The following GPM6B variants were observed in gnomAD, a reference collection of about 807,000 sequenced individuals.
GPM6B encodes neuronal membrane glycoprotein M6-b.
Under a neutral mutation model 27.2 loss-of-function variants are expected in GPM6B, and 4 were observed. That is an observed-to-expected ratio of 0.15 (90% confidence interval 0.07 to 0.34). GPM6B has a LOEUF of 0.34. Ranked by LOEUF, GPM6B falls within the 10% of genes least tolerant of loss-of-function variation. The pLI is 1.00. For synonymous variants in GPM6B, 124 were observed against 103.1 expected, an observed-to-expected ratio of 1.20 and a Z score of -1.23; for missense variants, 183 against 261.9, an observed-to-expected ratio of 0.70 and a Z score of 2.08.
At chrX:13,924,676 A>T (rs1365647914) in intron 1 of GPM6B, among the ~76,000 whole-genome samples, 2 of 111,780 alleles carry the variant, frequency 1.8e-5, no homozygotes, top group Non-Finnish European at 3.8e-5. Context: ...TTCTGCATAA[A>T]TATCTAAAAA....
chrX:13,856,719 T>G (rs2049785247), intron 1 of GPM6B, among the ~76,000 whole-genome samples: 1 of 107,852 alleles, frequency 9.3e-6, no homozygotes, highest in African/African-American at 3.4e-5. Context: ...TTTTTTTTTT[T>G]GACAGGTTCT....
intron 1 of GPM6B, among the ~76,000 whole-genome samples, chrX:13,823,527 T>G (rs2049335566): frequency 9.2e-6 from 1 of 108,460 alleles, no homozygotes; most frequent in South Asian, 4.1e-4. Flanking sequence ...CTGGTTTTTT[T>G]TTTTTTTTTT....
rs185944570 is a variant in GPM6B at position 13,904,615 on chromosome X, G to A, written c.-198+33712C>T. 5.5e-3 allele frequency among the ~76,000 whole-genome samples: 612 copies of A among 111,079 alleles called. 3 individuals carry two copies. The highest frequency in any genetic ancestry group is 9.2e-3 in the Non-Finnish European group (488 of 52,985). On this transcript the variant is annotated intron_variant, in intron 1 of 6. Coordinates refer to the GPM6B transcript ENST00000398361. ...TCATCTAGTGCTGCTTTTGTACTACGACAACACCGTTTACTTGCAACAGAT... is the reference window on the plus strand; with the variant it reads ...TCATCTAGTGCTGCTTTTGTACTACAACAACACCGTTTACTTGCAACAGAT...
chrX:13,903,440 A>C (rs1309780383), intron 1 of GPM6B, among the ~76,000 whole-genome samples: 2 of 112,047 alleles, frequency 1.8e-5, no homozygotes, highest in African/African-American at 6.5e-5. Flanking sequence ...TTTACCAATG[A>C]GGAAATTGAA....
At chrX:13,820,544 T>C (rs2049296639), upstream of GPM6B, among the ~76,000 whole-genome samples, 2 of 110,904 alleles carry the variant, frequency 1.8e-5, no homozygotes, top group Non-Finnish European at 3.8e-5. Flanking sequence ...GTCTTCAGTG[T>C]GGAGGCAGCC....
At chrX:13,863,535 G>A (rs370898131) in intron 1 of GPM6B, among the ~76,000 whole-genome samples, 26 of 111,929 alleles carry the variant, frequency 2.3e-4, no homozygotes, top group East Asian at 1.7e-3. Context: ...TAGTTATTCA[G>A]ATACCAAAGT....
rs142151165 is a variant in GPM6B, at chrX:13,784,555, G to A, written c.369-1034C>T. Among the ~76,000 whole-genome samples the A allele has an allele frequency of 7.0e-3, 780 of 111,890 alleles. 2 individuals are homozygous for A. Among genetic ancestry groups the A allele is most frequent in the South Asian group, 0.027 (72 of 2,682 alleles). On this transcript the variant is annotated intron_variant, in intron 3 of 7. Coordinates refer to ENST00000316715, the MANE Select transcript of GPM6B (RefSeq NM_001001995.3). The stretch of plus-strand genomic sequence containing the variant: ...AATTCATTCATGTCTTTTTCAGTCT[G>A]GTGAAGAAGTTTCTTATAATCATAA...
chrX:13,829,494 A>G (rs2049413849), intron 1 of GPM6B, among the ~76,000 whole-genome samples: 1 of 111,527 alleles, frequency 9.0e-6, no homozygotes, highest in Admixed American at 9.5e-5. Flanking sequence ...AGGTAGAGAG[A>G]GGAAAGACTA....
At position 13,785,612 on chromosome X, in the gene GPM6B, G is replaced by A. The variant is rs777790518; in HGVS notation, c.368+10C>T. 2.2e-5 allele frequency: 26 copies of A among 1,205,750 alleles called. No homozygotes were observed. Among genetic ancestry groups the A allele is most frequent in the Admixed American group, 4.4e-5 (2 of 45,761 alleles). The stretch of plus-strand genomic sequence containing the variant: ...CTTAGATGCATTTTTAAAGGGAACC[G>A]GATACTTACACCTCGCTCAGCAAGG... On this transcript the variant is annotated intron_variant, in intron 3 of 7. Transcript: ENST00000316715.
Position 13,796,296 on chromosome X carries a change from C to T in GPM6B, c.182-10488G>A, listed in dbSNP as rs774397858. Among the ~76,000 whole-genome samples, 217 of 111,026 alleles carry T rather than the reference C, an allele frequency of 2.0e-3. 1 individual carries two copies. Among genetic ancestry groups the T allele is most frequent in the African/African-American group, 6.3e-3 (192 of 30,515 alleles). On this transcript the variant is annotated intron_variant, in intron 2 of 7. Transcript: ENST00000316715. ...GTTGACCAGGCTGGTTTTGAACTCC[C>T]GACCTCAGGTGATCTGCCCACGTTG... is the stretch of plus-strand genomic sequence containing the variant.
intron 1 of GPM6B, among the ~76,000 whole-genome samples, chrX:13,810,585 G>C (rs1044122109): frequency 2.3e-4 from 25 of 110,591 alleles, no homozygotes; most frequent in Non-Finnish European, 3.6e-4. Flanking sequence ...TCCATGCTCT[G>C]TGCTCATCTC....
At chrX:13,912,657 G>C (rs1432764122) in intron 1 of GPM6B, among the ~76,000 whole-genome samples, 1 of 112,181 alleles carries the variant, frequency 8.9e-6, no homozygotes, top group Admixed American at 9.5e-5. Flanking sequence ...GCAAAAGAGA[G>C]AACTGCTCAG....
chrX:13,830,619 C>T (rs888592483), intron 1 of GPM6B, among the ~76,000 whole-genome samples: 2 of 112,077 alleles, frequency 1.8e-5, no homozygotes, highest in African/African-American at 6.5e-5. Flanking sequence ...CTACAAAATA[C>T]AAATTGTGTG....
chrX:13,840,683 T>C (rs1158346891), intron 1 of GPM6B, among the ~76,000 whole-genome samples: 2 of 110,730 alleles, frequency 1.8e-5, no homozygotes, highest in African/African-American at 3.3e-5. Flanking sequence ...CTCCTCTCTC[T>C]CCTCTCCCCG....
chrX:13,786,405 G>A lies in GPM6B; in HGVS notation c.182-597C>T, dbSNP rs759876235. 3.6e-5 allele frequency among the ~76,000 whole-genome samples: 4 copies of A among 111,933 alleles called. No individual in the cohort carries two copies. In the East Asian group the frequency reaches 8.4e-4, roughly 23 times the overall value. On this transcript the variant is annotated intron_variant, in intron 2 of 7. Coordinates refer to ENST00000316715, the MANE Select transcript of GPM6B (RefSeq NM_001001995.3). ...AGGTGATTGTTTTGGAAAGGTCACA[G>A]GTATTTTGGTCCATAATTCAGTGAA...
At chrX:13,798,158 T>A (rs2048851051) in intron 2 of GPM6B, among the ~76,000 whole-genome samples, 1 of 110,707 alleles carries the variant, frequency 9.0e-6, no homozygotes, top group Non-Finnish European at 1.9e-5. Flanking sequence ...GACCTGTTTG[T>A]GAAGTTCAAT....
intron 7 of GPM6B, among the ~76,000 whole-genome samples, chrX:13,775,648 ATATAT>A (rs2048399279): frequency 8.9e-6 from 1 of 112,040 alleles, no homozygotes; most frequent in Non-Finnish European, 1.9e-5. Context: ...AATCAACAAT[ATATAT>A]TAAATACGGT....
intron 1 of GPM6B, among the ~76,000 whole-genome samples, chrX:13,893,930 C>T (rs2050210145): frequency 8.9e-6 from 1 of 112,047 alleles, no homozygotes; most frequent in African/African-American, 3.2e-5. Context: ...CTCCTCTTCT[C>T]CCAAGGGGTC....
intron 1 of GPM6B, among the ~76,000 whole-genome samples, chrX:13,822,837 C>T (rs187735250): frequency 2.2e-4 from 25 of 111,721 alleles, no homozygotes; most frequent in Admixed American, 1.3e-3. Flanking sequence ...AAAGTAGCAA[C>T]GATATTCAAC....
Sources: gnomAD v4.1 joint callset for allele counts (sites outside exome capture counted in the v4.1 genomes callset) on GRCh38, gnomAD v4.1.1 for gene constraint, MANE v1.5 for transcripts, NCBI Gene and HGNC (gene_info 2026-07-23, HGNC 2026-07-21) for gene names.